Variants in ANO3 observed in about 807,000 individuals in gnomAD.
The protein encoded by ANO3 is anoctamin 3.
A neutral mutation model predicts 144.8 loss-of-function variants in ANO3; 99 were observed. That is an observed-to-expected ratio of 0.68 (90% confidence interval 0.58 to 0.81). The LOEUF is 0.81. ANO3 is among the 30% of genes least tolerant of loss of function. ANO3 has a pLI of 0.00. For synonymous variants in ANO3, 414 were observed against 392.6 expected (o/e 1.05, Z -0.64); for missense variants, 905 against 1,202.2 (o/e 0.75, Z 3.66).
At chr11:26,290,137 G>A (rs1853921410) in intron 1 of ANO3, among the ~76,000 whole-genome samples, 1 of 152,188 alleles carries the variant, frequency 6.6e-6, no homozygotes, top group East Asian at 1.9e-4. Context: ...GTTTAGTCTT[G>A]GGAGGGCGTA....
At chr11:26,489,461 G>A (rs1181168341) in intron 4 of ANO3, among the ~76,000 whole-genome samples, 2 of 152,228 alleles carry the variant, frequency 1.3e-5, no homozygotes, top group Non-Finnish European at 1.5e-5. Flanking sequence ...GCTCCCAAAC[G>A]TAGTCTCTAC....
chr11:26,291,528 T>C (rs1483231215), intron 1 of ANO3, among the ~76,000 whole-genome samples: 2 of 152,222 alleles, frequency 1.3e-5, no homozygotes, highest in African/African-American at 4.8e-5. Flanking sequence ...TTTTGGCATG[T>C]TTTTGCAGTG....
chr11:26,358,320 C>T (rs1415509299), intron 1 of ANO3, among the ~76,000 whole-genome samples: 3 of 152,084 alleles, frequency 2.0e-5, no homozygotes, highest in East Asian at 3.9e-4. Flanking sequence ...TAAAGGCACA[C>T]GCCACCACGC....
At chr11:26,449,879 C>T (rs192479245) in intron 3 of ANO3, among the ~76,000 whole-genome samples, 24 of 152,094 alleles carry the variant, frequency 1.6e-4, no homozygotes, top group Admixed American at 5.2e-4. Context: ...CTCAGCCTCC[C>T]GAGTAGCTGG....
chr11:26,471,400 A>C (rs1859776624), intron 4 of ANO3, among the ~76,000 whole-genome samples: 1 of 152,004 alleles, frequency 6.6e-6, no homozygotes, highest in South Asian at 2.1e-4. Flanking sequence ...CCTAAGTAAA[A>C]ATAGATAATT....
intron 1 of ANO3, among the ~76,000 whole-genome samples, chr11:26,223,230 T>C (rs1389989456): frequency 6.6e-6 from 1 of 152,138 alleles, no homozygotes; most frequent in African/African-American, 2.4e-5. Flanking sequence ...CCAGATACCC[T>C]GAGTCGTCAT....
chr11:26,362,597 T>C (rs964213830), intron 1 of ANO3, among the ~76,000 whole-genome samples: 6 of 152,304 alleles, frequency 3.9e-5, no homozygotes, highest in African/African-American at 9.6e-5. Context: ...CAAATTGTGC[T>C]CCTGGTGTAT....
At chr11:26,456,596 G>C (rs1859169697) in intron 3 of ANO3, among the ~76,000 whole-genome samples, 1 of 127,124 alleles carries the variant, frequency 7.9e-6, no homozygotes, top group South Asian at 3.1e-4. Flanking sequence ...AGAGGATGTG[G>C]AGAAATAGGA....
chr11:26,208,362 A>T (rs1007882441), intron 1 of ANO3: 1 of 152,252 alleles, frequency 6.6e-6, no homozygotes, highest in Non-Finnish European at 1.5e-5. Flanking sequence ...AATACAAAAA[A>T]AATAGCCGGG....
intron 5 of ANO3, among the ~76,000 whole-genome samples, chr11:26,511,005 G>A (rs899687622): frequency 2.6e-5 from 4 of 152,120 alleles, no homozygotes; most frequent in African/African-American, 9.7e-5. Context: ...GAACAGAGAG[G>A]GTTCTCATCC....
At chr11:26,388,849 C>CACAT (rs1856802710) in intron 1 of ANO3, among the ~76,000 whole-genome samples, 1 of 151,874 alleles carries the variant, frequency 6.6e-6, no homozygotes, top group African/African-American at 2.4e-5. Flanking sequence ...TATACACACA[C>CACAT]GCACATACAC....
intron 1 of ANO3, among the ~76,000 whole-genome samples, chr11:26,323,227 A>C (rs962167511): frequency 2.0e-5 from 3 of 152,268 alleles, no homozygotes; most frequent in Non-Finnish European, 4.4e-5. Flanking sequence ...TTTACTGGAG[A>C]AAGGTATCAG....
At chr11:26,317,494 AC>A (rs1392288057) in intron 1 of ANO3, among the ~76,000 whole-genome samples, 1 of 152,230 alleles carries the variant, frequency 6.6e-6, no homozygotes, top group East Asian at 1.9e-4. Context: ...TATGCGGCCA[AC>A]AAACATGAAA....
intron 1 of ANO3, among the ~76,000 whole-genome samples, chr11:26,373,551 A>T (rs1023352522): frequency 6.6e-5 from 10 of 152,224 alleles, no homozygotes; most frequent in Non-Finnish European, 1.5e-4. Context: ...GTGTGAAAAC[A>T]GATGAATACA....
At chr11:26,530,331 A>C (rs997147740) in intron 7 of ANO3, among the ~76,000 whole-genome samples, 2 of 152,124 alleles carry the variant, frequency 1.3e-5, no homozygotes, top group Non-Finnish European at 2.9e-5. Flanking sequence ...TGTCTACCAC[A>C]CTTATGACTT....
intron 10 of ANO3, among the ~76,000 whole-genome samples, chr11:26,539,379 G>C (rs1849589738): frequency 6.6e-6 from 1 of 152,062 alleles, no homozygotes; most frequent in Non-Finnish European, 1.5e-5. Context: ...CCCATTGCAT[G>C]TCACTATCAG....
chr11:26,372,819 T>C (rs1337633036), intron 1 of ANO3, among the ~76,000 whole-genome samples: 2 of 152,178 alleles, frequency 1.3e-5, no homozygotes, highest in South Asian at 2.1e-4. Flanking sequence ...GCAGAGTGAA[T>C]AGTTGAAATA....
intron 18 of ANO3, among the ~76,000 whole-genome samples, chr11:26,630,976 C>T (rs202102060): frequency 6.8e-6 from 1 of 147,970 alleles, no homozygotes; most frequent in Admixed American, 6.7e-5. Flanking sequence ...TTTACATTTT[C>T]TTTTTTTTTT....
At chr11:26,607,280 A>T (rs1305797815) in intron 17 of ANO3, among the ~76,000 whole-genome samples, 6 of 152,180 alleles carry the variant, frequency 3.9e-5, no homozygotes, top group Non-Finnish European at 5.9e-5. Flanking sequence ...ACCTTGGAGA[A>T]TCTGATAACT....
Sources: gnomAD v4.1 joint callset for allele counts (sites outside exome capture counted in the v4.1 genomes callset) on GRCh38, gnomAD v4.1.1 for gene constraint, MANE v1.5 for transcripts, NCBI Gene and HGNC (gene_info 2026-07-23, HGNC 2026-07-21) for gene names.